The following FHIT variants were observed in gnomAD, a reference collection of about 807,000 sequenced individuals.
The protein encoded by FHIT is fragile histidine triad diadenosine triphosphatase.
FHIT carries 19 observed loss-of-function variants against 17.9 expected under a neutral mutation model. That is an observed-to-expected ratio of 1.06 (90% CI 0.74 to 1.56). The LOEUF (loss-of-function observed/expected upper bound fraction) is 1.56, where lower values mean the gene tolerates loss of function less well. FHIT is among the 40% of genes most tolerant of loss of function. FHIT has a pLI of 0.00. For missense variants in FHIT, 248 were observed against 189.2 expected (o/e 1.31, Z -1.82); for synonymous variants, 81 against 69.7 (o/e 1.16, Z -0.81).
chr3:60,583,598 C>T (rs1190805548), intron 4 of FHIT, among the ~76,000 whole-genome samples: 1 of 151,962 alleles, frequency 6.6e-6, no homozygotes, highest in South Asian at 2.1e-4. Context: ...AATTATTATT[C>T]TTCTTTCTAT....
intron 5 of FHIT, among the ~76,000 whole-genome samples, chr3:60,482,681 G>A (rs1417422886): frequency 6.6e-6 from 1 of 152,106 alleles, no homozygotes; most frequent in Non-Finnish European, 1.5e-5. Context: ...GTGTCCCAGT[G>A]TTAAGAGGAA....
intron 4 of FHIT, among the ~76,000 whole-genome samples, chr3:60,703,319 G>A (rs2041292714): frequency 1.3e-5 from 2 of 152,152 alleles, no homozygotes; most frequent in African/African-American, 4.8e-5. Flanking sequence ...TGAACCTCTA[G>A]CTTTCAAAAC....
In FHIT at chr3:60,815,979, A is replaced by G. The variant is rs151181460; in HGVS notation, c.-18+5940T>C. Among the ~76,000 whole-genome samples the G allele has an allele frequency of 1.3e-3, 196 of 151,926 alleles. 1 individual carries two copies. The Middle Eastern group carries it at 0.014, about 11-fold the overall frequency. On this transcript the variant is annotated intron_variant, in intron 4 of 9. Coordinates refer to ENST00000492590, the MANE Select transcript of FHIT (RefSeq NM_002012.4). ...GGTTAGATGTATTCCTAAGTATTTT[A>G]TATACTTCTATTTTTTCAGGCTATT...
intron 5 of FHIT, among the ~76,000 whole-genome samples, chr3:60,388,883 G>A (rs552104384): frequency 3.9e-5 from 6 of 152,100 alleles, no homozygotes; most frequent in African/African-American, 1.2e-4. Context: ...CAGAGGGCTC[G>A]TAAAGTTAGC....
chr3:60,770,990 C>T (rs1700024494), intron 4 of FHIT, among the ~76,000 whole-genome samples: 1 of 152,234 alleles, frequency 6.6e-6, no homozygotes, highest in South Asian at 2.1e-4. Context: ...ACAGTTCTCT[C>T]TCAGGAAAGT....
intron 5 of FHIT, among the ~76,000 whole-genome samples, chr3:60,298,197 T>G (rs768926793): frequency 2.0e-5 from 3 of 152,056 alleles, no homozygotes; most frequent in African/African-American, 4.8e-5. Flanking sequence ...AAGCTTCATT[T>G]CTTATGCATG....
chr3:60,137,884 C>T lies in FHIT; in HGVS notation c.104-123732G>A, dbSNP rs548855514. On this transcript the variant is annotated intron_variant, in intron 5 of 9. Transcript: ENST00000492590. ...ACATAAGAGACCCTAAATGAATATC[C>T]GTTGAAATAAAAGCAATGGTTACAT... Among the ~76,000 whole-genome samples, 62 of 152,142 alleles carry T rather than the reference C, an allele frequency of 4.1e-4. 1 individual carries two copies. In the South Asian group the frequency reaches 0.011, roughly 27 times the overall value.
At chr3:60,202,491 G>GA in intron 5 of FHIT, among the ~76,000 whole-genome samples, 1 of 152,256 alleles carries the variant, frequency 6.6e-6, no homozygotes, top group Non-Finnish European at 1.5e-5. Context: ...GCACTAGTTG[G>GA]CATTAATTTA....
At chr3:60,676,318 T>C (rs1553695391) in intron 4 of FHIT, among the ~76,000 whole-genome samples, 1 of 152,186 alleles carries the variant, frequency 6.6e-6, no homozygotes, top group Non-Finnish European at 1.5e-5. Flanking sequence ...TTTGGTGGTG[T>C]GGAACTTAAA....
intron 5 of FHIT, among the ~76,000 whole-genome samples, chr3:60,434,382 G>T (rs1303308657): frequency 6.6e-6 from 1 of 152,062 alleles, no homozygotes; most frequent in Non-Finnish European, 1.5e-5. Context: ...GTACAACTCT[G>T]TCTTTCTCTT....
intron 4 of FHIT, among the ~76,000 whole-genome samples, chr3:60,738,711 A>AAATG (rs2108004194): frequency 1.3e-5 from 2 of 152,330 alleles, no homozygotes; most frequent in African/African-American, 4.8e-5. Context: ...AACACATGTG[A>AAATG]AATGAATGAA....
chr3:60,317,409 G>C (rs73836724), intron 5 of FHIT, among the ~76,000 whole-genome samples: 6,049 of 151,624 alleles, frequency 0.04, 400 homozygotes, highest in African/African-American at 0.14. Flanking sequence ...GAATTCCTCT[G>C]ATGCTCATCA....
intron 4 of FHIT, among the ~76,000 whole-genome samples, chr3:60,810,321 C>A (rs1286337945): frequency 2.0e-5 from 3 of 152,144 alleles, no homozygotes; most frequent in Non-Finnish European, 2.9e-5. Flanking sequence ...TAAAACAGAA[C>A]AATTTCTGGC....
At chr3:61,023,916 T>A (rs2032594209) in intron 3 of FHIT, among the ~76,000 whole-genome samples, 1 of 151,972 alleles carries the variant, frequency 6.6e-6, no homozygotes, top group Admixed American at 6.6e-5. Flanking sequence ...ACCTAGGCAA[T>A]ACCATTCAGG....
At chr3:60,354,733 A>G (rs1232247547) in intron 5 of FHIT, among the ~76,000 whole-genome samples, 7 of 152,198 alleles carry the variant, frequency 4.6e-5, no homozygotes, top group Admixed American at 2.6e-4. Context: ...CGCCGGTCCA[A>G]TTGGTAATAT....
chr3:60,291,781 A>G (rs79683966), intron 5 of FHIT, among the ~76,000 whole-genome samples: 1 of 152,132 alleles, frequency 6.6e-6, no homozygotes, highest in East Asian at 1.9e-4. Flanking sequence ...AAGGACTGGG[A>G]GATTTGGGCA....
chr3:61,133,540 G>A (rs1560008816), intron 2 of FHIT, among the ~76,000 whole-genome samples: 1 of 152,120 alleles, frequency 6.6e-6, no homozygotes, highest in Non-Finnish European at 1.5e-5. Flanking sequence ...ATTCCAGATG[G>A]AGATTTCAAA....
intron 1 of FHIT, among the ~76,000 whole-genome samples, chr3:61,215,720 C>A (rs533612319): frequency 1.3e-5 from 2 of 152,310 alleles, no homozygotes; most frequent in African/African-American, 4.8e-5. Context: ...AAGCTGGAGG[C>A]ATCACTCTAC....
intron 5 of FHIT, among the ~76,000 whole-genome samples, chr3:60,301,605 C>T (rs1041471641): frequency 6.6e-6 from 1 of 152,154 alleles, no homozygotes; most frequent in Admixed American, 6.6e-5. Flanking sequence ...ACATACCCCC[C>T]AGTTTCCCTG....
Sources: gnomAD v4.1 joint callset for allele counts (sites outside exome capture counted in the v4.1 genomes callset) on GRCh38, gnomAD v4.1.1 for gene constraint, MANE v1.5 for transcripts, NCBI Gene and HGNC (gene_info 2026-07-23, HGNC 2026-07-21) for gene names.